Variants in SLC35D4 observed in about 807,000 individuals in gnomAD.
The protein encoded by SLC35D4 is UDP-N-acetylglucosamine transporter SLC35D4.
the SLC35D4 span, among the ~76,000 whole-genome samples, chr18:23,418,711 A>C: frequency 1.3e-5 from 2 of 151,726 alleles, no homozygotes; most frequent in African/African-American, 4.8e-5. Context: ...GGAGTGACTT[A>C]ACAATTAAGC....
the SLC35D4 span, among the ~76,000 whole-genome samples, chr18:23,335,982 G>A: frequency 6.6e-6 from 1 of 151,792 alleles, no homozygotes; most frequent in Non-Finnish European, 1.5e-5. Context: ...AAACAGAATT[G>A]TTATCCTATT....
At chr18:23,298,213 GC>G in the SLC35D4 span, 1 of 908,566 alleles carries the variant, frequency 1.1e-6, no homozygotes, top group Non-Finnish European at 1.7e-6. Flanking sequence ...TCCAGGTCAA[GC>G]CCAGGAATCG....
At chr18:23,293,199 G>A in the SLC35D4 span, among the ~76,000 whole-genome samples, 43 of 152,284 alleles carry the variant, frequency 2.8e-4, no homozygotes, top group East Asian at 4.8e-3. Context: ...AGCCGAGATC[G>A]CGCCATTGCA....
the SLC35D4 span, among the ~76,000 whole-genome samples, chr18:23,282,242 G>C: frequency 2.1e-4 from 32 of 152,320 alleles, 1 homozygote; most frequent in Admixed American, 1.9e-3. Context: ...TTTGCCTCAG[G>C]CAACTGCTTA....
At chr18:23,293,019 C>G in the SLC35D4 span, among the ~76,000 whole-genome samples, 1 of 152,168 alleles carries the variant, frequency 6.6e-6, no homozygotes, top group Non-Finnish European at 1.5e-5. Flanking sequence ...GTGGGCGGAT[C>G]ACTTGAAGTC....
the SLC35D4 span, among the ~76,000 whole-genome samples, chr18:23,319,545 G>A: frequency 1.3e-5 from 2 of 152,082 alleles, no homozygotes; most frequent in African/African-American, 4.8e-5. Flanking sequence ...CTGGGTTCAA[G>A]CAATTCTCCT....
chr18:23,333,913 G>A, the SLC35D4 span, among the ~76,000 whole-genome samples: 1 of 152,168 alleles, frequency 6.6e-6, no homozygotes, highest in Non-Finnish European at 1.5e-5. Context: ...TGGAAGTACT[G>A]TAAAAATCAC....
At chr18:23,332,998 A>G in the SLC35D4 span, among the ~76,000 whole-genome samples, 2 of 152,214 alleles carry the variant, frequency 1.3e-5, no homozygotes, top group African/African-American at 4.8e-5. Context: ...AGCCGGTTAT[A>G]AGATAGGACA....
At chr18:23,348,715 TG>T in the SLC35D4 span, among the ~76,000 whole-genome samples, 1 of 152,242 alleles carries the variant, frequency 6.6e-6, no homozygotes, top group Non-Finnish European at 1.5e-5. Flanking sequence ...CCAGCCTACT[TG>T]TGTCTTTTAC....
At chr18:23,288,765 G>A in the SLC35D4 span, among the ~76,000 whole-genome samples, 12 of 152,234 alleles carry the variant, frequency 7.9e-5, no homozygotes, top group Admixed American at 3.3e-4. Flanking sequence ...TAGCAGACCG[G>A]CCTTTATTAG....
chr18:23,261,828 A>G, the SLC35D4 span, among the ~76,000 whole-genome samples: 1 of 152,220 alleles, frequency 6.6e-6, no homozygotes, highest in Non-Finnish European at 1.5e-5. Flanking sequence ...AAGGATCAAA[A>G]TTCAAAGTAC....
the SLC35D4 span, among the ~76,000 whole-genome samples, chr18:23,427,507 A>C: frequency 6.6e-6 from 1 of 152,158 alleles, no homozygotes; most frequent in Non-Finnish European, 1.5e-5. Context: ...ATCATTAAAA[A>C]GTCAGGAAAC....
the SLC35D4 span, among the ~76,000 whole-genome samples, chr18:23,289,026 T>C: frequency 6.6e-6 from 1 of 152,214 alleles, no homozygotes; most frequent in Non-Finnish European, 1.5e-5. Flanking sequence ...CTCCTTTTTA[T>C]TAGGCCCCAG....
the SLC35D4 span, among the ~76,000 whole-genome samples, chr18:23,340,011 C>T: frequency 6.6e-6 from 1 of 152,296 alleles, no homozygotes; most frequent in African/African-American, 2.4e-5. Context: ...GTACTTCTTC[C>T]TTTCCTTTTT....
At chr18:23,397,152 T>A in the SLC35D4 span, among the ~76,000 whole-genome samples, 2 of 152,192 alleles carry the variant, frequency 1.3e-5, no homozygotes, top group African/African-American at 4.8e-5. Flanking sequence ...CAGCCTGCTC[T>A]CCATATCTGG....
At chr18:23,432,382 C>A in the SLC35D4 span, among the ~76,000 whole-genome samples, 3 of 152,226 alleles carry the variant, frequency 2.0e-5, no homozygotes, top group Non-Finnish European at 4.4e-5. Context: ...CAATGAGGTT[C>A]TTGAGGAAAG....
At chr18:23,277,244 G>A in the SLC35D4 span, among the ~76,000 whole-genome samples, 13,493 of 152,114 alleles carry the variant, frequency 0.089, 825 homozygotes, top group African/African-American at 0.17. Flanking sequence ...TCATGGGGGC[G>A]GTTTCACCCA....
At chr18:23,344,240 T>C in the SLC35D4 span, among the ~76,000 whole-genome samples, 5 of 152,226 alleles carry the variant, frequency 3.3e-5, no homozygotes, top group African/African-American at 1.2e-4. Context: ...CTACATTTTC[T>C]TTATCCAGTC....
chr18:23,245,025 G>C, the SLC35D4 span, among the ~76,000 whole-genome samples: 1 of 152,192 alleles, frequency 6.6e-6, no homozygotes, highest in Non-Finnish European at 1.5e-5. Flanking sequence ...TCTGCTCTGA[G>C]ACCCTCACTG....
Sources: gnomAD v4.1 joint callset for allele counts (sites outside exome capture counted in the v4.1 genomes callset) on GRCh38, gnomAD v4.1.1 for gene constraint, MANE v1.5 for transcripts, NCBI Gene and HGNC (gene_info 2026-07-23, HGNC 2026-07-21) for gene names.